PLCE1: variants seen among roughly 807,000 people sequenced by gnomAD.
The protein encoded by PLCE1 is 1-phosphatidylinositol 4,5-bisphosphate phosphodiesterase epsilon-1.
In PLCE1, 119 loss-of-function variants were observed where a neutral mutation model predicts 242.8. The ratio of observed to expected loss-of-function variants is 0.49; its 90% confidence interval spans 0.42 to 0.57. The LOEUF is 0.57. PLCE1 is among the 20% of genes least tolerant of loss of function. PLCE1 has a pLI of 0.00. For synonymous variants in PLCE1, 945 were observed against 1,017.4 expected, an observed-to-expected ratio of 0.93 and a Z score of 1.35; for missense variants, 2,441 against 2,788.8, an observed-to-expected ratio of 0.88 and a Z score of 2.81.
intron 4 of PLCE1, among the ~76,000 whole-genome samples, chr10:94,185,731 GA>G (rs1188045660): frequency 6.6e-6 from 1 of 152,222 alleles, no homozygotes; most frequent in Non-Finnish European, 1.5e-5. Flanking sequence ...TGCAGAATGA[GA>G]GATAAAGACT....
At chr10:94,165,867 TG>T (rs2047785704) in intron 3 of PLCE1, among the ~76,000 whole-genome samples, 1 of 151,988 alleles carries the variant, frequency 6.6e-6, no homozygotes, top group Non-Finnish European at 1.5e-5. Flanking sequence ...ACCACCCACC[TG>T]GCTACTTTTT....
chr10:94,164,348 T>G (rs1378588748), intron 3 of PLCE1, among the ~76,000 whole-genome samples: 2 of 152,190 alleles, frequency 1.3e-5, no homozygotes, highest in Non-Finnish European at 2.9e-5. Context: ...GCTTTGTTCA[T>G]TTCTTTTTAT....
At chr10:94,265,607 C>T in intron 14 of PLCE1, 40 bp from the exon 15 acceptor site, 1 of 1,569,698 alleles carries the variant, frequency 6.4e-7, no homozygotes, top group Non-Finnish European at 8.8e-7. Flanking sequence ...CTCTTAGTTT[C>T]CTTAACCTAA....
chr10:94,279,994 G>A, intron 20 of PLCE1, 83 bp downstream of exon 20: 1 of 1,413,304 alleles, frequency 7.1e-7, no homozygotes, highest in Non-Finnish European at 1.0e-6. Flanking sequence ...TAAGTCTAGA[G>A]CGCCAAAGAC....
In PLCE1 at chr10:94,329,189, T is replaced by C. The variant is rs1422121910; in HGVS notation, c.*1246T>C. On this transcript the variant is annotated 3_prime_UTR_variant, in exon 33 of 33. Transcript: ENST00000371380. ...ACTGAAGAGCTATTGATCCAAGTCA[T>C]ACTTGCCATTTAATGTAAATTATTT... 2.0e-5 allele frequency: 3 copies of C among 152,228 alleles called. No individual in the cohort carries two copies. The highest frequency in any genetic ancestry group is 7.2e-5 in the African/African-American group (3 of 41,462). 9.4% of individuals were successfully genotyped at this position (152,228 alleles called of 1,614,324 possible).
chr10:94,142,487 C>G (rs2136026712), intron 3 of PLCE1, among the ~76,000 whole-genome samples: 1 of 152,280 alleles, frequency 6.6e-6, no homozygotes, highest in South Asian at 2.1e-4. Flanking sequence ...CCACTGCACT[C>G]TGTCCGCCTA....
chr10:94,191,467 C>A (rs2048664750), intron 4 of PLCE1, among the ~76,000 whole-genome samples: 1 of 152,056 alleles, frequency 6.6e-6, no homozygotes, highest in Non-Finnish European at 1.5e-5. Context: ...CATAGCGAGA[C>A]CCGGTCTCTA....
chr10:94,084,186 G>A (rs950189747), intron 2 of PLCE1, among the ~76,000 whole-genome samples: 1 of 152,180 alleles, frequency 6.6e-6, no homozygotes, highest in African/African-American at 2.4e-5. Context: ...GCCTCCTAAA[G>A]CCACCTGGAA....
rs754922973 is a variant in PLCE1, at chr10:94,324,419, A to T, written c.6572A>T (p.Glu2191Val). 1.2e-5 allele frequency: 20 copies of T among 1,614,068 alleles called. No individual in the cohort carries two copies. In the East Asian group the frequency reaches 4.5e-4, roughly 36 times the overall value. The change falls in exon 31 of 33, where the codon GAA becomes GTA. Residue 2191 changes from glutamate (E) to valine (V), a missense_variant. By Grantham distance (121) the Glu-to-Val change is moderately radical. This residue lies in a region of PLCE1 where 310 missense variants were observed against 317.2 expected (regional missense o/e 0.98). Transcript: ENST00000371380. The part of the protein sequence containing the change: ...NPNPSDYVLL[E>V]EVVKDTTNKK... ...AATCCAAGCGACTATGTGCTTTTGGAAGAGGTGGTGAAAGACACTACCAAC... is the reference window on the plus strand; with the variant it reads ...AATCCAAGCGACTATGTGCTTTTGGTAGAGGTGGTGAAAGACACTACCAAC...
chr10:94,254,788 T>C (rs2051005645), intron 10 of PLCE1, 105 bp from the exon 11 acceptor site: 2 of 1,246,604 alleles, frequency 1.6e-6, no homozygotes, highest in African/African-American at 3.0e-5. Flanking sequence ...ACCAGCTGCA[T>C]AGGTTGATTT....
At chr10:94,136,700 A>C (rs943713812) in intron 3 of PLCE1, among the ~76,000 whole-genome samples, 3 of 152,198 alleles carry the variant, frequency 2.0e-5, no homozygotes, top group Non-Finnish European at 4.4e-5. Context: ...GAACACAAAC[A>C]TGCCTGCTTT....
intron 13 of PLCE1, among the ~76,000 whole-genome samples, chr10:94,260,559 A>C (rs564065761): frequency 6.6e-6 from 1 of 152,218 alleles, no homozygotes; most frequent in South Asian, 2.1e-4. Context: ...ATAACCATGG[A>C]TTAGTCAAGT....
At chr10:94,290,157 G>T (rs1279585929) in intron 22 of PLCE1, among the ~76,000 whole-genome samples, 1 of 151,784 alleles carries the variant, frequency 6.6e-6, no homozygotes, top group East Asian at 1.9e-4. Flanking sequence ...CTTCTGAGTG[G>T]CTAGGACTAC....
At chr10:94,062,241 T>C (rs1391466262) in intron 2 of PLCE1, among the ~76,000 whole-genome samples, 1 of 152,178 alleles carries the variant, frequency 6.6e-6, no homozygotes, top group African/African-American at 2.4e-5. Flanking sequence ...TCTAACTTCT[T>C]AGTCTTTATA....
At position 94,032,154 on chromosome 10, in the gene PLCE1, G is replaced by T. The variant is rs1185816545; in HGVS notation, c.1108G>T (p.Gly370Cys). Residue 370 changes from glycine to cysteine, a missense_variant, in exon 2 of 33, where the codon GGT (glycine) becomes TGT (cysteine). This residue lies in a region of PLCE1 where 733 missense variants were observed against 754.2 expected (regional missense o/e 0.97). Coordinates refer to ENST00000371380, the MANE Select transcript of PLCE1 (RefSeq NM_016341.4). ...AWSYIDQKRN[G>C]PLLPCGRVME... ...GAGTTACATAGATCAGAAGAGAAAT[G>T]GTCCCTTACTGCCTTGTGGGAGAGT... is the stretch of plus-strand genomic sequence containing the variant. 1 of 1,609,212 alleles carries T rather than the reference G, an allele frequency of 6.2e-7. No homozygotes were observed. Among genetic ancestry groups the T allele is most frequent in the African/African-American group, 1.3e-5 (1 of 74,472 alleles).
At chr10:94,130,138 T>C (rs1437598652) in intron 2 of PLCE1, among the ~76,000 whole-genome samples, 1 of 152,234 alleles carries the variant, frequency 6.6e-6, no homozygotes, top group Non-Finnish European at 1.5e-5. Context: ...GCATGGGACT[T>C]AGTGTGTTGG....
chr10:94,300,660 G>A (rs577520847), intron 24 of PLCE1, among the ~76,000 whole-genome samples: 1 of 146,762 alleles, frequency 6.8e-6, no homozygotes, highest in Non-Finnish European at 1.5e-5. Flanking sequence ...GTTACTCTGA[G>A]TTGAGGCAGA....
At chr10:94,182,534 T>C (rs557936776) in intron 4 of PLCE1, among the ~76,000 whole-genome samples, 92 of 152,148 alleles carry the variant, frequency 6.0e-4, no homozygotes, top group African/African-American at 2.2e-3. Context: ...CCTCCCAAAG[T>C]GCTGGGATTA....
chr10:94,062,604 GT>G (rs77625602), intron 2 of PLCE1, among the ~76,000 whole-genome samples: 8 of 99,314 alleles, frequency 8.1e-5, no homozygotes, highest in East Asian at 6.2e-4. Context: ...GTTTTGTTTT[GT>G]TTTTTTTTTT....
Sources: gnomAD v4.1 joint callset for allele counts (sites outside exome capture counted in the v4.1 genomes callset) on GRCh38, gnomAD v4.1.1 for gene constraint, gnomAD v4.1.1 regional missense constraint, MANE v1.5 for transcripts, NCBI Gene and HGNC (gene_info 2026-07-23, HGNC 2026-07-21) for gene names.